Variants in ERC1 observed in about 807,000 individuals in gnomAD.
ERC1 encodes ELKS/RAB6-interacting/CAST family member 1.
ERC1 carries 56 observed loss-of-function variants against 132.0 expected under a neutral mutation model. That is an observed-to-expected ratio of 0.42 (90% CI 0.34 to 0.53). ERC1 has a LOEUF of 0.53. Ranked by LOEUF, ERC1 falls within the 20% of genes least tolerant of loss-of-function variation. The pLI is 0.03. For missense variants in ERC1, 1,202 were observed against 1,349.9 expected, an observed-to-expected ratio of 0.89 and a Z score of 1.72; for synonymous variants, 478 against 476.1, an observed-to-expected ratio of 1.00 and a Z score of -0.05.
At chr12:1,482,194 C>T (rs2094106422) in intron 18 of ERC1, among the ~76,000 whole-genome samples, 1 of 152,162 alleles carries the variant, frequency 6.6e-6, no homozygotes, top group Non-Finnish European at 1.5e-5. Flanking sequence ...CCGGCGATTC[C>T]TGTGCTCCAG....
At chr12:1,309,961 G>GT (rs376120283) in intron 15 of ERC1, among the ~76,000 whole-genome samples, 5 of 143,982 alleles carry the variant, frequency 3.5e-5, no homozygotes, top group African/African-American at 1.3e-4. Flanking sequence ...GTTTTGTTTT[G>GT]TTTTGAGACA....
Position 1,138,339 on chromosome 12 carries a change from T to TTATATAA in ERC1, c.1570-3268_1570-3262dup, listed in dbSNP as rs1356447018. 2.2e-5 allele frequency among the ~76,000 whole-genome samples: 3 copies of TTATATAA among 134,340 alleles called. No homozygotes were observed. In the East Asian group the frequency reaches 6.0e-4, roughly 27 times the overall value. 88.1% of individuals were successfully genotyped at this position (134,340 alleles called of 152,430 possible). A position where few individuals can be genotyped will look rare whatever the true frequency, so the allele number is the denominator to read the frequency against. The stretch of plus-strand genomic sequence containing the variant: ...ATACATATGTTGTATATAATATATG[T>TTATATAA]TATATAATATATAATATATGTTATA... On this transcript the variant is annotated intron_variant, in intron 7 of 18. Transcript: ENST00000360905.
intron 5 of ERC1, among the ~76,000 whole-genome samples, chr12:1,111,700 C>A (rs1431825620): frequency 6.6e-6 from 1 of 151,406 alleles, no homozygotes; most frequent in Non-Finnish European, 1.5e-5. Context: ...TTCACTGCAG[C>A]CTCCGTCTCC....
At chr12:1,077,186 T>C (rs1199678559) in intron 2 of ERC1, among the ~76,000 whole-genome samples, 1 of 152,252 alleles carries the variant, frequency 6.6e-6, no homozygotes, top group Non-Finnish European at 1.5e-5. Flanking sequence ...CTCTGTGATA[T>C]ATTTTGTTTG....
intron 12 of ERC1, among the ~76,000 whole-genome samples, chr12:1,232,302 G>A (rs1163650860): frequency 6.6e-6 from 1 of 152,078 alleles, no homozygotes; most frequent in African/African-American, 2.4e-5. Context: ...AATTTTCTTT[G>A]ACTTGAGCTT....
At chr12:1,483,873 T>C (rs1401818237) in intron 18 of ERC1, among the ~76,000 whole-genome samples, 1 of 151,850 alleles carries the variant, frequency 6.6e-6, no homozygotes, top group Admixed American at 6.5e-5. Flanking sequence ...TTTGTATGTT[T>C]AGTAGAGACG....
At position 1,440,365 on chromosome 12, in the gene ERC1, C is replaced by T. The variant is rs1290912620; in HGVS notation, c.3025-4197C>T. ...GACTACAGACGCCCGCCACCACGCCCGGCTAATTTTTTTTGTATTTTTAGT... is the reference window on the plus strand; with the variant it reads ...GACTACAGACGCCCGCCACCACGCCTGGCTAATTTTTTTTGTATTTTTAGT... On this transcript the variant is annotated intron_variant, in intron 17 of 18. Transcript: ENST00000360905. Among the ~76,000 whole-genome samples the T allele has an allele frequency of 1.9e-3, 289 of 149,802 alleles. 5 individuals carry two copies. The highest frequency in any genetic ancestry group is 5.5e-3 in the African/African-American group (223 of 40,422).
At chr12:1,012,874 A>C (rs1399348383) in intron 1 of ERC1, among the ~76,000 whole-genome samples, 3 of 152,116 alleles carry the variant, frequency 2.0e-5, no homozygotes, top group African/African-American at 4.8e-5. Context: ...CTAACTTTTC[A>C]AGTATGTTTT....
chr12:1,338,707 G>GT (rs536001216), intron 15 of ERC1, among the ~76,000 whole-genome samples: 41 of 150,086 alleles, frequency 2.7e-4, no homozygotes, highest in African/African-American at 4.6e-4. Flanking sequence ...CCTTTGGATA[G>GT]TTTTTTTTTT....
chr12:1,110,570 T>C (rs1229804673), intron 5 of ERC1, among the ~76,000 whole-genome samples: 1 of 152,252 alleles, frequency 6.6e-6, no homozygotes, highest in East Asian at 1.9e-4. Flanking sequence ...GACAATTCTC[T>C]GTATGAGGCT....
At position 1,450,796 on chromosome 12, in the gene ERC1, C is replaced by T. The variant is rs529580042; in HGVS notation, c.3213+6046C>T. Among the ~76,000 whole-genome samples, 18 of 152,312 alleles carry T rather than the reference C, an allele frequency of 1.2e-4. No individual in the cohort carries two copies. In the East Asian group the frequency reaches 2.3e-3, roughly 20 times the overall value. On this transcript the variant is annotated intron_variant, in intron 18 of 18. Coordinates refer to ENST00000360905, the MANE Select transcript of ERC1 (RefSeq NM_178040.4). ...CAAGCGTTCCAGTTTCTCCATATCC[C>T]GGCCAACACTTGTTATTTTGTAGTC...
chr12:1,472,521 T>G (rs73601912), intron 18 of ERC1, among the ~76,000 whole-genome samples: 13,405 of 151,872 alleles, frequency 0.088, 2,018 homozygotes, highest in African/African-American at 0.31. Flanking sequence ...GTGCTGGCAT[T>G]TCGCTGTAGT....
intron 12 of ERC1, among the ~76,000 whole-genome samples, chr12:1,224,508 A>G (rs1007827425): frequency 3.9e-5 from 6 of 152,190 alleles, no homozygotes; most frequent in Admixed American, 2.6e-4. Context: ...AACTTAAAAG[A>G]ATCAAAGACC....
At chr12:1,272,269 T>C (rs1030132089) in intron 14 of ERC1, among the ~76,000 whole-genome samples, 3 of 152,236 alleles carry the variant, frequency 2.0e-5, no homozygotes, top group African/African-American at 7.2e-5. Flanking sequence ...GTACTTCTGT[T>C]GTCACCACCA....
intron 1 of ERC1, among the ~76,000 whole-genome samples, chr12:1,000,025 AGTT>A (rs1961882443): frequency 6.6e-6 from 1 of 152,192 alleles, no homozygotes; most frequent in Non-Finnish European, 1.5e-5. Context: ...AGTCATTTTT[AGTT>A]GTTCACCAAA....
chr12:1,377,106 G>C (rs1323486617), intron 16 of ERC1, among the ~76,000 whole-genome samples: 1 of 152,152 alleles, frequency 6.6e-6, no homozygotes, highest in African/African-American at 2.4e-5. Context: ...TAATCACTAA[G>C]TTCTTGATGG....
At chr12:1,131,772 T>C (rs965009273) in intron 7 of ERC1, among the ~76,000 whole-genome samples, 1 of 152,174 alleles carries the variant, frequency 6.6e-6, no homozygotes, top group Non-Finnish European at 1.5e-5. Flanking sequence ...CCAGAATTAA[T>C]TGTTTTTTGA....
chr12:1,051,529 CAAAAAAAAAA>C (rs35353366), intron 2 of ERC1, among the ~76,000 whole-genome samples: 148 of 127,704 alleles, frequency 1.2e-3, no homozygotes, highest in East Asian at 6.9e-3. Flanking sequence ...GTCTCTACCC[CAAAAAAAAAA>C]AAAAAAAAAA....
At chr12:1,058,437 C>A (rs1973407135) in intron 2 of ERC1, among the ~76,000 whole-genome samples, 1 of 152,190 alleles carries the variant, frequency 6.6e-6, no homozygotes, top group Non-Finnish European at 1.5e-5. Context: ...CCAGTACTAT[C>A]TATTGAAGAG....
Sources: gnomAD v4.1 joint callset for allele counts (sites outside exome capture counted in the v4.1 genomes callset) on GRCh38, gnomAD v4.1.1 for gene constraint, MANE v1.5 for transcripts, NCBI Gene and HGNC (gene_info 2026-07-23, HGNC 2026-07-21) for gene names.